FAM120A: variants seen among roughly 807,000 people sequenced by gnomAD.
FAM120A encodes the protein family with sequence similarity 120 member A.
A neutral mutation model predicts 109.7 loss-of-function variants in FAM120A; 15 were observed. The ratio of observed to expected loss-of-function variants is 0.14; its 90% CI spans 0.09 to 0.21. The LOEUF is 0.21. FAM120A is among the 10% of genes least tolerant of loss of function. FAM120A has a pLI of 1.00. For synonymous variants in FAM120A, 493 were observed against 572.8 expected, an observed-to-expected ratio of 0.86 and a Z score of 1.99; for missense variants, 899 against 1,439.3, an observed-to-expected ratio of 0.62 and a Z score of 6.07.
intron 5 of FAM120A, among the ~76,000 whole-genome samples, chr9:93,508,152 A>G (rs1860147098): frequency 6.6e-6 from 1 of 152,198 alleles, no homozygotes; most frequent in Non-Finnish European, 1.5e-5. Flanking sequence ...TGGGGAGGTC[A>G]CAGAGTGAGT....
chr9:93,527,776 C>T (rs1861153190), intron 8 of FAM120A, among the ~76,000 whole-genome samples: 1 of 151,598 alleles, frequency 6.6e-6, no homozygotes, highest in Admixed American at 6.6e-5. Context: ...GCGTGCACTA[C>T]CATGCCTGGC....
intron 8 of FAM120A, among the ~76,000 whole-genome samples, chr9:93,528,513 C>T (rs566967503): frequency 6.6e-6 from 1 of 152,150 alleles, no homozygotes; most frequent in Non-Finnish European, 1.5e-5. Context: ...TTTTTCCTTT[C>T]CTTAGTTCTA....
intron 12 of FAM120A, among the ~76,000 whole-genome samples, chr9:93,554,852 C>A (rs773889352): frequency 6.6e-6 from 1 of 152,166 alleles, no homozygotes; most frequent in African/African-American, 2.4e-5. Context: ...GAGAGGGGCA[C>A]GGAGGCCCCT....
intron 16 of FAM120A, among the ~76,000 whole-genome samples, chr9:93,561,655 A>G (rs1390116528): frequency 3.3e-5 from 5 of 152,160 alleles, no homozygotes; most frequent in Admixed American, 6.5e-5. Context: ...TCGGCCTTGC[A>G]AAGTGCTGGG....
At chr9:93,562,412 A>G (rs1862498757) in intron 17 of FAM120A, 108 bp downstream of exon 17, 4 of 787,276 alleles carry the variant, frequency 5.1e-6, no homozygotes, top group South Asian at 1.5e-5. Context: ...TGTGAGGGTA[A>G]TGCTTTAGCT....
chr9:93,564,172 T>A, intron 17 of FAM120A, 57 bp from the exon 18 acceptor site: 1 of 1,547,154 alleles, frequency 6.5e-7, no homozygotes, highest in Non-Finnish European at 8.8e-7. Context: ...ATTGGCATCC[T>A]CTCTCTTCTG....
intron 1 of FAM120A, chr9:93,453,268 T>G: frequency 1.0e-6 from 1 of 990,308 alleles, no homozygotes; most frequent in Non-Finnish European, 1.2e-6. Context: ...GAGCTCTATA[T>G]CACCGGCCTC....
At chr9:93,474,776 G>A (rs1042636554) in intron 2 of FAM120A, among the ~76,000 whole-genome samples, 2 of 152,128 alleles carry the variant, frequency 1.3e-5, no homozygotes, top group African/African-American at 2.4e-5. Context: ...TGTATTTTTA[G>A]TAGAGATGGG....
At chr9:93,491,535 C>G (rs1460756753) in intron 3 of FAM120A, among the ~76,000 whole-genome samples, 1 of 152,194 alleles carries the variant, frequency 6.6e-6, no homozygotes, top group Non-Finnish European at 1.5e-5. Context: ...AGACAGTGAT[C>G]AATTTCCACC....
intron 8 of FAM120A, among the ~76,000 whole-genome samples, chr9:93,527,570 A>AC (rs1248438683): frequency 1.5e-5 from 2 of 130,070 alleles, no homozygotes; most frequent in Admixed American, 8.0e-5. Context: ...TAACTCCCCC[A>AC]CCCCCCTTTT....
At chr9:93,511,488 C>T (rs138193396) in intron 5 of FAM120A, among the ~76,000 whole-genome samples, 7,249 of 152,302 alleles carry the variant, frequency 0.048, 228 homozygotes, top group Non-Finnish European at 0.07. Context: ...GGCCAGACGC[C>T]GCGCCCTCCC....
chr9:93,458,505 CTCCTACTTAACTG>C (rs1254391561), intron 1 of FAM120A, among the ~76,000 whole-genome samples: 1 of 152,116 alleles, frequency 6.6e-6, no homozygotes, highest in African/African-American at 2.4e-5. Flanking sequence ...GCTCAGTAGT[CTCCTACTTAACTG>C]TTATACTCTT....
intron 1 of FAM120A, among the ~76,000 whole-genome samples, chr9:93,460,417 C>T (rs1857738458): frequency 6.6e-6 from 1 of 152,192 alleles, no homozygotes; most frequent in Admixed American, 6.5e-5. Context: ...TCTCAGCTGA[C>T]TGCAACCTCC....
At chr9:93,453,271 C>T (rs780500778) in intron 1 of FAM120A, 325 of 989,786 alleles carry the variant, frequency 3.3e-4, no homozygotes, top group Non-Finnish European at 3.6e-4. Context: ...CTCTATATCA[C>T]CGGCCTCCTC....
intron 17 of FAM120A, among the ~76,000 whole-genome samples, chr9:93,563,769 T>C (rs532317009): frequency 6.6e-6 from 1 of 152,334 alleles, no homozygotes; most frequent in South Asian, 2.1e-4. Flanking sequence ...CAATTATCAG[T>C]GCAGATTTCT....
chr9:93,493,742 C>T (rs566700999), intron 3 of FAM120A, among the ~76,000 whole-genome samples: 1 of 152,234 alleles, frequency 6.6e-6, no homozygotes, highest in Non-Finnish European at 1.5e-5. Flanking sequence ...GGCCCAGTGT[C>T]CTCCTGGGGG....
intron 3 of FAM120A, among the ~76,000 whole-genome samples, chr9:93,489,550 G>A (rs1859220184): frequency 6.6e-6 from 1 of 152,208 alleles, no homozygotes; most frequent in African/African-American, 2.4e-5. Flanking sequence ...TGTAAAATGG[G>A]ATGAAGAACT....
At chr9:93,549,648 G>C (rs1399576479) in intron 11 of FAM120A, among the ~76,000 whole-genome samples, 2 of 152,162 alleles carry the variant, frequency 1.3e-5, no homozygotes, top group East Asian at 3.9e-4. Context: ...AAAGAGCTTT[G>C]TTAAGCATGT....
At chr9:93,520,393 A>G (rs1228604799) in intron 7 of FAM120A, among the ~76,000 whole-genome samples, 2 of 152,230 alleles carry the variant, frequency 1.3e-5, no homozygotes, top group Admixed American at 6.5e-5. Context: ...TGGAATTCAC[A>G]AGGGAAGCAG....
Sources: gnomAD v4.1 joint callset for allele counts (sites outside exome capture counted in the v4.1 genomes callset) on GRCh38, gnomAD v4.1.1 for gene constraint, MANE v1.5 for transcripts, NCBI Gene and HGNC (gene_info 2026-07-23, HGNC 2026-07-21) for gene names.